The following ARID3A variants were observed in gnomAD, a reference collection of about 807,000 sequenced individuals.
ARID3A encodes AT-rich interactive domain-containing protein 3A.
In ARID3A, 11 loss-of-function variants were observed where a neutral mutation model predicts 52.7. The ratio of observed to expected loss-of-function variants is 0.21; its 90% confidence interval spans 0.13 to 0.35. The LOEUF (loss-of-function observed/expected upper bound fraction) is 0.35, where lower values mean the gene tolerates loss of function less well. ARID3A is among the 10% of genes least tolerant of loss of function. The pLI, the probability that ARID3A is intolerant of heterozygous loss-of-function variation, is 1.00. For missense variants in ARID3A, 721 were observed against 838.5 expected (o/e 0.86, Z 1.73); for synonymous variants, 404 against 359.4 (o/e 1.12, Z -1.40).
chr19:952,987 C>T (rs918531939), intron 3 of ARID3A, among the ~76,000 whole-genome samples: 11 of 152,170 alleles, frequency 7.2e-5, no homozygotes, highest in African/African-American at 2.7e-4. Flanking sequence ...GCCGCATGTG[C>T]TGGCCCCGGC....
chr19:932,261 G>A (rs1216654766), intron 2 of ARID3A, among the ~76,000 whole-genome samples, 157 bp from the exon 3 acceptor site: 5 of 152,168 alleles, frequency 3.3e-5, no homozygotes, highest in South Asian at 4.1e-4. Flanking sequence ...GGTGCCCCAC[G>A]CTGTGCTCAT....
intron 3 of ARID3A, among the ~76,000 whole-genome samples, chr19:935,797 T>C (rs1400622337): frequency 6.6e-6 from 1 of 151,668 alleles, no homozygotes; most frequent in Admixed American, 6.6e-5. Flanking sequence ...TATATTTGTT[T>C]ATTTATTTTT....
rs2038324789 is a variant in ARID3A at position 973,511 on chromosome 19, A to T, written c.*1446A>T. On this transcript the variant is annotated 3_prime_UTR_variant, in exon 9 of 9. Coordinates refer to ENST00000263620, the MANE Select transcript of ARID3A (RefSeq NM_005224.3). The stretch of plus-strand genomic sequence containing the variant: ...AAGCCCCCAGGCTCCTGTCTCAGGG[A>T]TGAATGTGGCGTCTCATTGGGATTC... 1 of 219,272 alleles carries T rather than the reference A, an allele frequency of 4.6e-6. No homozygotes were observed. Among genetic ancestry groups the T allele is most frequent in the South Asian group, 1.9e-4 (1 of 5,400 alleles). The allele number at this position is 219,272 out of a possible 1,614,324, so 13.6% of individuals were successfully genotyped here. A position where few individuals can be genotyped will look rare whatever the true frequency, so the allele number is the denominator to read the frequency against.
chr19:943,738 G>A lies in ARID3A; in HGVS notation c.693+10996G>A, dbSNP rs902246335. On this transcript the variant is annotated intron_variant, in intron 3 of 8. Coordinates refer to ENST00000263620, the MANE Select transcript of ARID3A (RefSeq NM_005224.3). Reference sequence around the variant, plus strand: ...CCCTCCCCTGGAGCCCCAGTGACACGCTGATGTCAGACTTGTGGAGAGAAG... The same window carrying A: ...CCCTCCCCTGGAGCCCCAGTGACACACTGATGTCAGACTTGTGGAGAGAAG... Among the ~76,000 whole-genome samples the A allele has an allele frequency of 1.2e-4, 18 of 152,308 alleles. No homozygotes were observed. The East Asian group carries it at 2.7e-3, about 23-fold the overall frequency.
At chr19:932,870 G>A in intron 3 of ARID3A, 128 bp downstream of exon 3, 1 of 1,478,044 alleles carries the variant, frequency 6.8e-7, no homozygotes, top group Admixed American at 2.6e-5. Flanking sequence ...GGTTCCTGCG[G>A]TAGCTGTGCT....
At chr19:946,644 T>A (rs935390578) in intron 3 of ARID3A, among the ~76,000 whole-genome samples, 5 of 152,134 alleles carry the variant, frequency 3.3e-5, no homozygotes, top group Admixed American at 6.5e-5. Flanking sequence ...TTTCACCATG[T>A]TGGCCAGGCT....
chr19:928,413 G>A (rs1205427721), intron 1 of ARID3A: 1 of 152,166 alleles, frequency 6.6e-6, no homozygotes, highest in African/African-American at 2.4e-5. Flanking sequence ...TCTAGGCTGG[G>A]TGAGTGTGTT....
intron 1 of ARID3A, among the ~76,000 whole-genome samples, chr19:926,890 C>T (rs558278633): frequency 1.1e-4 from 16 of 152,068 alleles, no homozygotes; most frequent in Non-Finnish European, 1.8e-4. Flanking sequence ...GGTTCCCCCC[C>T]CCATGCAAAT....
intron 8 of ARID3A, among the ~76,000 whole-genome samples, chr19:970,323 A>G (rs2038249781): frequency 6.6e-6 from 1 of 151,978 alleles, no homozygotes; most frequent in Admixed American, 6.6e-5. Context: ...AGAGGAAGAA[A>G]AAAAAAAGAA....
chr19:954,316 C>G (rs1372819553), intron 3 of ARID3A, among the ~76,000 whole-genome samples: 4 of 152,194 alleles, frequency 2.6e-5, no homozygotes, highest in Non-Finnish European at 5.9e-5. Flanking sequence ...GAAGGGGAGA[C>G]GATGGGCCCA....
Position 975,755 on chromosome 19 carries a change from A to G in ARID3A, c.*3690A>G, listed in dbSNP as rs2038365548. 7.7e-6 allele frequency: 1 copy of G among 130,022 alleles called. No homozygotes were observed. The highest frequency in any genetic ancestry group is 1.6e-5 in the Non-Finnish European group (1 of 60,958). 8.1% of individuals were successfully genotyped at this position (130,022 alleles called of 1,614,324 possible). The stretch of plus-strand genomic sequence containing the variant: ...TAAAAGGAAAAAAAAAAAAAAAGAC[A>G]AAAAGACCAAAAAAAAAAAAAAGTG... On this transcript the variant is annotated 3_prime_UTR_variant, in exon 9 of 9. Transcript: ENST00000263620.
At chr19:957,410 T>C (rs1412437315) in intron 3 of ARID3A, among the ~76,000 whole-genome samples, 2 of 152,300 alleles carry the variant, frequency 1.3e-5, no homozygotes, top group African/African-American at 4.8e-5. Context: ...TTTCCTCACC[T>C]GCAAAGCAGA....
intron 2 of ARID3A, among the ~76,000 whole-genome samples, chr19:932,097 G>A (rs920794631): frequency 6.6e-6 from 1 of 152,110 alleles, no homozygotes; most frequent in Admixed American, 6.5e-5. Context: ...CTGGGCTCAA[G>A]GGATCCTCCC....
Position 966,823 on chromosome 19 carries a change from G to A in ARID3A, c.1450G>A (p.Ala484Thr). The A allele has an allele frequency of 6.2e-7, 1 of 1,613,336 alleles. No individual in the cohort carries two copies. The highest frequency in any genetic ancestry group is 2.2e-5 in the East Asian group (1 of 44,878). ...ACGTGCACTCCAGCAGAACTTCCTG[G>A]CCATGGCGGCCCAGCTGCCCATGAG... Reference protein sequence around the residue: ...MQRALQQNFLAMAAQLPMSIR... With the variant: ...MQRALQQNFLTMAAQLPMSIR... The change falls in exon 7 of 9, where the codon GCC (alanine) becomes ACC (threonine). Residue 484 changes from alanine to threonine, a missense_variant. Around this residue, in one of 5 missense-constraint regions of ARID3A, gnomAD observed 297 missense variants for 343.2 expected, o/e 0.87. Coordinates refer to ENST00000263620, the MANE Select transcript of ARID3A (RefSeq NM_005224.3).
rs542512282 is a variant in ARID3A, at chr19:926,891, C to G, written c.-268+832C>G. On this transcript the variant is annotated intron_variant, in intron 1 of 8. Coordinates refer to ENST00000263620, the MANE Select transcript of ARID3A (RefSeq NM_005224.3). ...GCTCGGGCTGGAGGGGTTCCCCCCC[C>G]CATGCAAATCGGCCGCTTTCCAAGA... 1.6e-3 allele frequency among the ~76,000 whole-genome samples: 236 copies of G among 152,216 alleles called. 8 individuals are homozygous for G. In the South Asian group the frequency reaches 0.039, roughly 25 times the overall value.
At position 938,527 on chromosome 19, in the gene ARID3A, G is replaced by A. The variant is rs932744531; in HGVS notation, c.693+5785G>A. On this transcript the variant is annotated intron_variant, in intron 3 of 8. Transcript: ENST00000263620. This position sits in a 1 kb window ranked among gnomAD's most constrained non-coding sequence, Gnocchi z 4.0. ...ATGCACCTGCCAGAGAGGACCCAGC[G>A]GTGTGTGGATGGATGGCCCAGGGAG... Among the ~76,000 whole-genome samples, 14 of 152,214 alleles carry A rather than the reference G, an allele frequency of 9.2e-5. No homozygotes were observed. The highest frequency in any genetic ancestry group is 2.2e-4 in the African/African-American group (9 of 41,460).
chr19:968,851 T>C (rs12232842), intron 8 of ARID3A: 40,162 of 175,322 alleles, frequency 0.23, 5,191 homozygotes, highest in East Asian at 0.49. Context: ...AATTTTAAAT[T>C]GCTTTGTTGC....
chr19:970,169 G>A (rs111555816), intron 8 of ARID3A, among the ~76,000 whole-genome samples: 16,859 of 151,840 alleles, frequency 0.11, 1,017 homozygotes, highest in South Asian at 0.27. Context: ...AAGAATTAGC[G>A]AGGTGTGCTG....
In ARID3A at chr19:929,791, C is replaced by T. The variant is rs370403414; in HGVS notation, c.263C>T (p.Ser88Leu). 3.3e-5 allele frequency: 51 copies of T among 1,549,096 alleles called. No homozygotes were observed. Among genetic ancestry groups the T allele is most frequent in the South Asian group, 4.7e-5 (4 of 84,560 alleles). The change falls in exon 2 of 9, where the codon TCG becomes TTG. Residue 88 changes from serine (S) to leucine (L), a missense_variant. By Grantham distance (145) the Ser-to-Leu change is moderately radical. This residue lies in a region of ARID3A where 349 missense variants were observed against 297.3 expected (regional missense o/e 1.17). Coordinates refer to ENST00000263620, the MANE Select transcript of ARID3A (RefSeq NM_005224.3). This position sits in a 1 kb window ranked among gnomAD's most constrained non-coding sequence, Gnocchi z 6.2. ...GGCTCTGAGGATGGGCCCCCAGGCTCGGAGGAGGAGGACGCGGCCCGGGAG... is the reference window on the plus strand; with the variant it reads ...GGCTCTGAGGATGGGCCCCCAGGCTTGGAGGAGGAGGACGCGGCCCGGGAG... ...PGGSEDGPPGSEEEDAAREGT... is the reference protein window; with the variant it reads ...PGGSEDGPPGLEEEDAAREGT...
Sources: gnomAD v4.1 joint callset for allele counts (sites outside exome capture counted in the v4.1 genomes callset) on GRCh38, gnomAD v4.1.1 for gene constraint, gnomAD v4.1.1 regional missense constraint, Gnocchi (gnomAD v3.1) non-coding constraint, MANE v1.5 for transcripts, NCBI Gene and HGNC (gene_info 2026-07-23, HGNC 2026-07-21) for gene names.